MINDY4B: variants seen among roughly 807,000 people sequenced by gnomAD.
The protein encoded by MINDY4B is MINDY family member 4B.
MINDY4B carries 25 observed loss-of-function variants against 16.7 expected under a neutral mutation model. The ratio of observed to expected loss-of-function variants is 1.49; its 90% CI spans 1.09 to 2.09. MINDY4B has a LOEUF of 2.09. Among genes scored for constraint, MINDY4B ranks in the 30% most tolerant of loss-of-function variants. The pLI is 0.00. For synonymous variants in MINDY4B, 132 were observed against 61.9 expected, an observed-to-expected ratio of 2.13 and a Z score of -5.32; for missense variants, 327 against 168.4, an observed-to-expected ratio of 1.94 and a Z score of -5.21.
rs1186715263 is a variant in MINDY4B, at chr3:150,894,322, G to T, written c.310-17C>A. The stretch of plus-strand genomic sequence containing the variant: ...CCGCAGCTTCTGAAAAGAGGGGAAA[G>T]AAATGATTCAACAAAAGAGAATTCT... On this transcript the variant is annotated splice_polypyrimidine_tract_variant and intron_variant, in intron 3 of 11. Coordinates refer to ENST00000465419, the MANE Select transcript of MINDY4B (RefSeq NM_001351281.2). 3 of 682,510 alleles carry T rather than the reference G, an allele frequency of 4.4e-6. No individual in the cohort carries two copies. The highest frequency in any genetic ancestry group is 1.6e-5 in the South Asian group (1 of 63,340). The allele number at this position is 682,510 out of a possible 1,614,324, so 42.3% of individuals were successfully genotyped here.
chr3:150,885,085 T>C (rs1369788072), intron 8 of MINDY4B, among the ~76,000 whole-genome samples: 1 of 152,218 alleles, frequency 6.6e-6, no homozygotes. Context: ...TTATGAAACT[T>C]GTACAAACAA....
Position 150,905,319 on chromosome 3 carries a change from C to A in MINDY4B, c.113+8G>T. On this transcript the variant is annotated splice_region_variant and intron_variant, in intron 1 of 11. Coordinates refer to ENST00000465419, the MANE Select transcript of MINDY4B (RefSeq NM_001351281.2). The stretch of plus-strand genomic sequence containing the variant: ...TTCTAAAGAAATGAGAGAATGAGAA[C>A]ACCTTACCTGTGATAACTAAAGATT... 2.5e-6 allele frequency: 1 copy of A among 398,494 alleles called. No individual in the cohort carries two copies. The highest frequency in any genetic ancestry group is 4.4e-6 in the Non-Finnish European group (1 of 225,972). 24.7% of individuals were successfully genotyped at this position (398,494 alleles called of 1,614,324 possible). A position where few individuals can be genotyped will look rare whatever the true frequency, so the allele number is the denominator to read the frequency against.
At chr3:150,873,046 T>C in intron 11 of MINDY4B, 141 bp downstream of exon 11, 1 of 568,172 alleles carries the variant, frequency 1.8e-6, no homozygotes, top group Non-Finnish European at 3.1e-6. Context: ...ATGGGATTCA[T>C]GTGTGGGTTT....
intron 3 of MINDY4B, among the ~76,000 whole-genome samples, chr3:150,897,697 G>A (rs750595182): frequency 3.9e-5 from 6 of 152,196 alleles, no homozygotes; most frequent in African/African-American, 1.4e-4. Context: ...AAAAGAAAAG[G>A]TTGTCTCTAC....
Position 150,870,474 on chromosome 3 carries a change from T to G in MINDY4B, c.*571A>C, listed in dbSNP as rs1369446100. ...ACTGAAACCCACATGTCAACTGCTA[T>G]AGCTGTCAGCCTACCAGGAATAACC... On this transcript the variant is annotated 3_prime_UTR_variant, in exon 12 of 12. Coordinates refer to ENST00000465419, the MANE Select transcript of MINDY4B (RefSeq NM_001351281.2). 6.6e-6 allele frequency among the ~76,000 whole-genome samples: 1 copy of G among 152,238 alleles called. No homozygotes were observed. The highest frequency in any genetic ancestry group is 2.4e-5 in the African/African-American group (1 of 41,468).
Position 150,903,405 on chromosome 3 carries a change from G to A in MINDY4B, c.153C>T (p.Gly51=). 1 of 398,504 alleles carries A rather than the reference G, an allele frequency of 2.5e-6. No individual in the cohort carries two copies. Among genetic ancestry groups the A allele is most frequent in the Non-Finnish European group, 4.4e-6 (1 of 226,000 alleles). 24.7% of individuals were successfully genotyped at this position (398,504 alleles called of 1,614,324 possible). A position where few individuals can be genotyped will look rare whatever the true frequency, so the allele number is the denominator to read the frequency against. Residue 51 remains glycine (G), a synonymous_variant, in exon 3 of 12, where the codon GGC becomes GGT. Coordinates refer to ENST00000465419, the MANE Select transcript of MINDY4B (RefSeq NM_001351281.2). The part of the protein sequence containing the change: ...TNNSTPQNHE[G]NHTSADENED... Reference sequence around the variant, plus strand: ...CATTTTCATCAGCAGATGTATGGTTGCCTTCATGATTCTGTGCAAATATCA... The same window carrying A: ...CATTTTCATCAGCAGATGTATGGTTACCTTCATGATTCTGTGCAAATATCA...
intron 2 of MINDY4B, among the ~76,000 whole-genome samples, chr3:150,904,010 T>C (rs1712180052): frequency 6.6e-6 from 1 of 152,232 alleles, no homozygotes; most frequent in Non-Finnish European, 1.5e-5. Context: ...GCTTATATAC[T>C]AATGTTGTGC....
At chr3:150,880,790 C>T (rs1711515612) in intron 10 of MINDY4B, among the ~76,000 whole-genome samples, 1 of 152,172 alleles carries the variant, frequency 6.6e-6, no homozygotes, top group African/African-American at 2.4e-5. Flanking sequence ...CAGTATATCA[C>T]CCCATTTTCA....
chr3:150,887,602 A>T (rs560814767), intron 7 of MINDY4B, among the ~76,000 whole-genome samples: 1 of 152,320 alleles, frequency 6.6e-6, no homozygotes, highest in South Asian at 2.1e-4. Flanking sequence ...CCAAAAATCT[A>T]GGTTTTTATG....
At chr3:150,896,790 G>A (rs575511409) in intron 3 of MINDY4B, among the ~76,000 whole-genome samples, 1 of 152,200 alleles carries the variant, frequency 6.6e-6, no homozygotes. Flanking sequence ...TGGCAGGGGG[G>A]TGAAATCTAT....
At chr3:150,901,380 G>A (rs1272496771) in intron 3 of MINDY4B, 1 of 152,216 alleles carries the variant, frequency 6.6e-6, no homozygotes, top group African/African-American at 2.4e-5. Context: ...TCCATCCAGA[G>A]GCTTGAAGGC....
chr3:150,895,181 G>A (rs1318565328), intron 3 of MINDY4B, among the ~76,000 whole-genome samples: 4 of 152,138 alleles, frequency 2.6e-5, no homozygotes, highest in East Asian at 3.8e-4. Flanking sequence ...TGAGGGAACC[G>A]AGACCCAAAT....
chr3:150,880,305 CTGTG>C (rs60659488), intron 10 of MINDY4B, among the ~76,000 whole-genome samples: 18,456 of 149,660 alleles, frequency 0.12, 1,310 homozygotes, highest in Non-Finnish European at 0.17. Flanking sequence ...AGGTTCCCAT[CTGTG>C]TGTGTGTGTG....
chr3:150,879,920 G>A (rs1420537842), intron 10 of MINDY4B, among the ~76,000 whole-genome samples: 1 of 152,206 alleles, frequency 6.6e-6, no homozygotes, highest in Non-Finnish European at 1.5e-5. Flanking sequence ...TGGACACAGA[G>A]CCTCCCAATT....
At chr3:150,884,574 A>G (rs1711577534) in intron 8 of MINDY4B, among the ~76,000 whole-genome samples, 1 of 152,196 alleles carries the variant, frequency 6.6e-6, no homozygotes, top group Admixed American at 6.5e-5. Context: ...AACGTTTAGG[A>G]AGAGCTTGAT....
chr3:150,877,435 A>G (rs776345073), intron 10 of MINDY4B, among the ~76,000 whole-genome samples: 5 of 152,194 alleles, frequency 3.3e-5, no homozygotes, highest in African/African-American at 4.8e-5. Context: ...GGTCATACTT[A>G]GAGCACTGTC....
intron 3 of MINDY4B, among the ~76,000 whole-genome samples, chr3:150,894,739 G>C (rs750152045): frequency 2.6e-5 from 4 of 152,144 alleles, no homozygotes; most frequent in African/African-American, 9.7e-5. Flanking sequence ...TCTGCAGCAC[G>C]TTGAGATTCA....
intron 10 of MINDY4B, among the ~76,000 whole-genome samples, chr3:150,879,841 C>T (rs150995966): frequency 6.6e-6 from 1 of 152,296 alleles, no homozygotes; most frequent in Non-Finnish European, 1.5e-5. Flanking sequence ...TGCTCTCTAG[C>T]ATTTATTGCC....
chr3:150,903,492 C>G (rs1351480782), intron 2 of MINDY4B, 76 bp from the exon 3 acceptor site: 1 of 397,664 alleles, frequency 2.5e-6, no homozygotes, highest in Admixed American at 4.4e-5. Flanking sequence ...TTCTCTTTTT[C>G]TCTCTGAAAT....
Sources: gnomAD v4.1 joint callset for allele counts (sites outside exome capture counted in the v4.1 genomes callset) on GRCh38, gnomAD v4.1.1 for gene constraint, MANE v1.5 for transcripts, NCBI Gene and HGNC (gene_info 2026-07-23, HGNC 2026-07-21) for gene names.